Variants in TMLHE observed in about 807,000 individuals in gnomAD.
TMLHE encodes the protein trimethyllysine hydroxylase, epsilon, also known as trimethyllysine dioxygenase, mitochondrial.
Under a neutral mutation model 25.7 loss-of-function variants are expected in TMLHE, and 18 were observed. The ratio of observed to expected loss-of-function variants is 0.70; its 90% CI spans 0.48 to 1.04. TMLHE has a LOEUF of 1.04. TMLHE is among the 50% of genes least tolerant of loss of function. The pLI, the probability that TMLHE is intolerant of heterozygous loss-of-function variation, is 0.00. For synonymous variants in TMLHE, 105 were observed against 97.0 expected, an observed-to-expected ratio of 1.08 and a Z score of -0.49; for missense variants, 236 against 259.0, an observed-to-expected ratio of 0.91 and a Z score of 0.61.
intron 1 of TMLHE, among the ~76,000 whole-genome samples, chrX:155,552,887 TC>T (rs2067424439): frequency 9.2e-6 from 1 of 108,591 alleles, no homozygotes; most frequent in East Asian, 2.8e-4. Context: ...TTAAACAGTA[TC>T]CCTTTAAATT....
intron 3 of TMLHE, 141 bp from the exon 4 acceptor site, chrX:155,514,406 A>G (rs2067138672): frequency 5.2e-6 from 3 of 580,814 alleles, no homozygotes; most frequent in Non-Finnish European, 7.6e-6. Flanking sequence ...ATTAAAATGA[A>G]TGCCTAGAAT....
chrX:155,582,279 C>T (rs1290359885), intron 1 of TMLHE, among the ~76,000 whole-genome samples: 1 of 112,133 alleles, frequency 8.9e-6, no homozygotes, highest in Non-Finnish European at 1.9e-5. Flanking sequence ...GACTTCATGA[C>T]TAAAACACCA....
chrX:155,586,636 A>C (rs1557345346), intron 1 of TMLHE, among the ~76,000 whole-genome samples: 1 of 112,012 alleles, frequency 8.9e-6, no homozygotes, highest in Non-Finnish European at 1.9e-5. Flanking sequence ...CAAATCAAAA[A>C]AGAGAGAAGA....
chrX:155,604,260 T>C (rs1301632055), intron 1 of TMLHE, among the ~76,000 whole-genome samples: 3 of 111,331 alleles, frequency 2.7e-5, no homozygotes, highest in African/African-American at 9.8e-5. Flanking sequence ...GTACTGCCTT[T>C]GCTGCCCTTG....
At chrX:155,535,483 C>T (rs1557337510) in intron 2 of TMLHE, among the ~76,000 whole-genome samples, 2 of 111,391 alleles carry the variant, frequency 1.8e-5, no homozygotes, top group Non-Finnish European at 3.8e-5. Context: ...ATGAGGACTC[C>T]ACCCTAATAA....
At chrX:155,609,079 A>G (rs782070693) in intron 1 of TMLHE, among the ~76,000 whole-genome samples, 3 of 112,238 alleles carry the variant, frequency 2.7e-5, no homozygotes, top group African/African-American at 9.7e-5. Context: ...CCATAAAGAC[A>G]CATGCATGCA....
intron 1 of TMLHE, among the ~76,000 whole-genome samples, chrX:155,554,366 T>C (rs1483340473): frequency 1.8e-5 from 2 of 110,697 alleles, no homozygotes; most frequent in African/African-American, 6.6e-5. Context: ...AAAACATCTA[T>C]TTTACTTCCA....
chrX:155,491,860 G>A (rs1327101940), intron 7 of TMLHE, among the ~76,000 whole-genome samples, 194 bp from the exon 8 acceptor site: 1 of 22,381 alleles, frequency 4.5e-5, no homozygotes, highest in Non-Finnish European at 9.6e-5. Context: ...TAGCCCTGTA[G>A]TAGGCTAAAT....
intron 2 of TMLHE, among the ~76,000 whole-genome samples, chrX:155,544,331 T>G (rs1448322375): frequency 8.9e-6 from 1 of 111,901 alleles, no homozygotes; most frequent in African/African-American, 3.2e-5. Flanking sequence ...GTGTTCTAAA[T>G]CCAATGACTG....
rs1218353608 is a variant in TMLHE at position 155,525,055 on chromosome X, A to G, written c.182-423T>C. 2.7e-5 allele frequency among the ~76,000 whole-genome samples: 3 copies of G among 112,079 alleles called. No homozygotes were observed. The East Asian group carries it at 8.4e-4, about 31-fold the overall frequency. On this transcript the variant is annotated intron_variant, in intron 2 of 7. Transcript: ENST00000334398. ...AAATATATAGGAGTACTAAATTTAG[A>G]AAATGAAACCATTCAAGGATCAAAA... is the stretch of plus-strand genomic sequence containing the variant.
intron 1 of TMLHE, among the ~76,000 whole-genome samples, chrX:155,585,525 T>C (rs1019948336): frequency 1.8e-5 from 2 of 111,042 alleles, no homozygotes; most frequent in East Asian, 2.8e-4. Flanking sequence ...GGAGTACATA[T>C]ATGCACTCAA....
chrX:155,557,223 TAA>T (rs1355980650), intron 1 of TMLHE, among the ~76,000 whole-genome samples: 1 of 112,219 alleles, frequency 8.9e-6, no homozygotes, highest in Non-Finnish European at 1.9e-5. Context: ...GGGGAAGTGA[TAA>T]GTGTCCATGA....
chrX:155,546,195 C>T (rs2067343624), intron 1 of TMLHE, among the ~76,000 whole-genome samples: 1 of 111,223 alleles, frequency 9.0e-6, no homozygotes, highest in African/African-American at 3.3e-5. Flanking sequence ...CATACTAAGC[C>T]CTACATATGT....
At position 155,560,600 on chromosome X, in the gene TMLHE, G is replaced by A. The variant is rs190629308; in HGVS notation, c.-1-15323C>T. Among the ~76,000 whole-genome samples, 13 of 46,662 alleles carry A rather than the reference G, an allele frequency of 2.8e-4. 1 individual carries two copies. Among genetic ancestry groups the A allele is most frequent in the African/African-American group, 5.0e-4 (12 of 23,915 alleles). 40.5% of individuals were successfully genotyped at this position (46,662 alleles called of 115,157 possible). A position where few individuals can be genotyped will look rare whatever the true frequency, so the allele number is the denominator to read the frequency against. On this transcript the variant is annotated intron_variant, in intron 1 of 7. Coordinates refer to ENST00000334398, the MANE Select transcript of TMLHE (RefSeq NM_018196.4). ...GGAGGAGTTAGTCATAAGGATATCTGGGGTAAAGTAGACTAGGCAGAGGGG... is the reference window on the plus strand; with the variant it reads ...GGAGGAGTTAGTCATAAGGATATCTAGGGTAAAGTAGACTAGGCAGAGGGG...
Position 155,514,247 on chromosome X carries a change from G to T in TMLHE, c.377C>A (p.Thr126Asn). The change falls in exon 4 of 8, where the codon ACT becomes AAT. Residue 126 changes from threonine to asparagine, a missense_variant. This residue lies in a region of TMLHE where 217 missense variants were observed against 214.6 expected (regional missense o/e 1.01). Transcript: ENST00000334398. ...LFFTWPDGHV[T>N]KYDLNWLVKN... ...CACCAGCCAATTCAAATCATATTTAGTCACATGACCATCTGGCCCTTTTAA... is the reference window on the plus strand; with the variant it reads ...CACCAGCCAATTCAAATCATATTTATTCACATGACCATCTGGCCCTTTTAA... 1.7e-6 allele frequency: 2 copies of T among 1,204,768 alleles called. No individual in the cohort carries two copies. The highest frequency in any genetic ancestry group is 2.2e-5 in the Admixed American group (1 of 45,604).
chrX:155,574,908 G>A (rs182706993), intron 1 of TMLHE, among the ~76,000 whole-genome samples: 4 of 112,209 alleles, frequency 3.6e-5, no homozygotes, highest in Non-Finnish European at 5.6e-5. Context: ...AACTTGATCT[G>A]TAGAACAGAA....
chrX:155,596,652 C>T (rs182409682), intron 1 of TMLHE, among the ~76,000 whole-genome samples: 1 of 111,716 alleles, frequency 9.0e-6, no homozygotes, highest in Non-Finnish European at 1.9e-5. Context: ...AGTCAGTTGC[C>T]CAATACACTG....
At chrX:155,602,748 A>G (rs1348032558) in intron 1 of TMLHE, among the ~76,000 whole-genome samples, 3 of 111,935 alleles carry the variant, frequency 2.7e-5, no homozygotes, top group African/African-American at 9.8e-5. Context: ...CAGGATACCA[A>G]ATCAACATGC....
At chrX:155,506,876 G>A in intron 6 of TMLHE, 22 bp downstream of exon 6, 1 of 1,166,034 alleles carries the variant, frequency 8.6e-7, no homozygotes, top group African/African-American at 1.8e-5. Context: ...ATTACAGTTG[G>A]GGATAGTTCT....
Sources: allele counts gnomAD v4.1 joint callset (sites outside exome capture counted in the v4.1 genomes callset), GRCh38; gene constraint gnomAD v4.1.1; regional missense constraint gnomAD v4.1.1; transcripts MANE v1.5; gene names NCBI Gene and HGNC (gene_info 2026-07-23, HGNC 2026-07-21).